Variants in GPHN observed in about 807,000 individuals in gnomAD.
GPHN encodes gephyrin.
GPHN carries 17 observed loss-of-function variants against 95.5 expected under a neutral mutation model. The ratio of observed to expected loss-of-function variants is 0.18; its 90% confidence interval spans 0.12 to 0.27. The LOEUF is 0.27. GPHN is among the 10% of genes least tolerant of loss of function. The pLI is 1.00. For synonymous variants in GPHN, 320 were observed against 322.5 expected, an observed-to-expected ratio of 0.99 and a Z score of 0.08; for missense variants, 660 against 978.1, an observed-to-expected ratio of 0.67 and a Z score of 4.34.
chr14:66,792,018 T>G (rs921623826), intron 3 of GPHN, among the ~76,000 whole-genome samples: 1 of 152,136 alleles, frequency 6.6e-6, no homozygotes, highest in Non-Finnish European at 1.5e-5. Flanking sequence ...TATAAAACCA[T>G]CATGTCTCAT....
intron 1 of GPHN, among the ~76,000 whole-genome samples, chr14:66,664,923 A>G (rs2065860432): frequency 1.3e-5 from 2 of 151,652 alleles, no homozygotes; most frequent in Admixed American, 6.6e-5. Flanking sequence ...ACCAGGAAGA[A>G]ATTGAATCCC....
In GPHN at chr14:67,144,247, AAAAATATATATATATATAT is replaced by A. The variant is rs1186647573; in HGVS notation, c.1836+800_1836+818del. Among the ~76,000 whole-genome samples, 4 of 68,528 alleles carry A rather than the reference AAAAATATATATATATATAT, an allele frequency of 5.8e-5. 1 individual carries two copies. The South Asian group carries it at 2.2e-3, about 38-fold the overall frequency. The allele number at this position is 68,528 out of a possible 152,430, so 45.0% of individuals were successfully genotyped here. On this transcript the variant is annotated intron_variant, in intron 18 of 22. Coordinates refer to ENST00000478722, the MANE Select transcript of GPHN (RefSeq NM_020806.5). ...GCAAGACCCTGTCTTAAAAAAAAAAAAAAATATATATATATATATATATATATATATATATATATACACA... is the reference window on the plus strand; with the variant it reads ...GCAAGACCCTGTCTTAAAAAAAAAAAATATATATATATATATATATACACA...
At chr14:67,446,859 T>A in the GPHN span, among the ~76,000 whole-genome samples, 21 of 152,302 alleles carry the variant, frequency 1.4e-4, no homozygotes, top group African/African-American at 4.6e-4. Flanking sequence ...CTGCTGCCTG[T>A]CTTTGTAAAA....
chr14:67,128,785 A>T (rs957668097), intron 17 of GPHN, among the ~76,000 whole-genome samples: 1 of 151,120 alleles, frequency 6.6e-6, no homozygotes, highest in South Asian at 2.1e-4. Flanking sequence ...AAATACAAAA[A>T]TTAGCCGGGC....
the GPHN span, among the ~76,000 whole-genome samples, chr14:67,636,855 C>G: frequency 6.6e-6 from 1 of 152,314 alleles, no homozygotes; most frequent in East Asian, 1.9e-4. Flanking sequence ...ATTTCAGGCT[C>G]CTCTTGTCCT....
At chr14:67,422,371 GT>G in the GPHN span, among the ~76,000 whole-genome samples, 1 of 152,128 alleles carries the variant, frequency 6.6e-6, no homozygotes, top group Non-Finnish European at 1.5e-5. Context: ...CTTCCCCCGT[GT>G]GGTATGCCAT....
the GPHN span, among the ~76,000 whole-genome samples, chr14:67,720,202 C>A: frequency 1.3e-5 from 2 of 152,108 alleles, no homozygotes; most frequent in Non-Finnish European, 2.9e-5. Context: ...CTTGTATTTC[C>A]TTTTTTGTAA....
chr14:67,021,719 A>C (rs1034456329), intron 9 of GPHN, among the ~76,000 whole-genome samples: 1 of 152,102 alleles, frequency 6.6e-6, no homozygotes, highest in African/African-American at 2.4e-5. Context: ...TGCTCTGTTC[A>C]TTGTAAATCT....
intron 18 of GPHN, among the ~76,000 whole-genome samples, chr14:67,158,093 G>A (rs942946161): frequency 6.6e-6 from 1 of 151,982 alleles, no homozygotes; most frequent in African/African-American, 2.4e-5. Flanking sequence ...GATCACCTGA[G>A]GTCAGGAGTT....
At chr14:66,938,400 G>A (rs117566455) in intron 8 of GPHN, among the ~76,000 whole-genome samples, 1,832 of 152,228 alleles carry the variant, frequency 0.012, 19 homozygotes, top group Non-Finnish European at 0.018. Context: ...AAAACAACCA[G>A]TGTCAATACT....
intron 1 of GPHN, among the ~76,000 whole-genome samples, chr14:66,621,255 A>C (rs1248056570): frequency 6.9e-6 from 1 of 144,520 alleles, no homozygotes; most frequent in African/African-American, 2.6e-5. Context: ...GATTACAGGC[A>C]TGAGCCACTG....
chr14:67,092,073 A>T (rs2077171888), intron 12 of GPHN, among the ~76,000 whole-genome samples: 1 of 151,460 alleles, frequency 6.6e-6, no homozygotes, highest in Non-Finnish European at 1.5e-5. Flanking sequence ...CATCATAATT[A>T]AAGAAGCAAA....
At chr14:67,247,025 A>T in the GPHN span, among the ~76,000 whole-genome samples, 1 of 152,264 alleles carries the variant, frequency 6.6e-6, no homozygotes, top group South Asian at 2.1e-4. Flanking sequence ...AATTGTTATG[A>T]CTATTTTTAG....
chr14:67,562,012 G>T, the GPHN span: 1 of 1,613,722 alleles, frequency 6.2e-7, no homozygotes, highest in South Asian at 1.1e-5. Flanking sequence ...GAGCAGGTGG[G>T]ATCCCTTCAA....
rs778433406 is a variant in GPHN at position 67,158,215 on chromosome 14, G to T, written c.1837-1200G>T. ...CCAGCTACTCGGGAGGCTGAGGCAGGAGAATTGCTTGAACCCAGGAGGAGG... is the reference window on the plus strand; with the variant it reads ...CCAGCTACTCGGGAGGCTGAGGCAGTAGAATTGCTTGAACCCAGGAGGAGG... On this transcript the variant is annotated intron_variant, in intron 18 of 22. Transcript: ENST00000478722. Among the ~76,000 whole-genome samples the T allele has an allele frequency of 4.9e-4, 74 of 149,530 alleles. 1 individual carries two copies. The Admixed American group carries it at 5.0e-3, about 10-fold the overall frequency.
chr14:67,653,575 T>G, the GPHN span: 2 of 1,327,980 alleles, frequency 1.5e-6, no homozygotes, highest in Non-Finnish European at 2.1e-6. Flanking sequence ...AGATTAACAG[T>G]AGGCATTAAG....
intron 1 of GPHN, among the ~76,000 whole-genome samples, chr14:66,587,536 T>C (rs569585362): frequency 2.2e-3 from 339 of 152,268 alleles, no homozygotes; most frequent in African/African-American, 7.7e-3. Context: ...CATGATCAAG[T>C]TGGATTTATT....
the GPHN span, among the ~76,000 whole-genome samples, chr14:67,479,070 T>C: frequency 1.3e-4 from 20 of 152,344 alleles, no homozygotes; most frequent in Admixed American, 1.1e-3. Context: ...TTTTTTTTCC[T>C]AACAAGCATG....
chr14:66,661,998 G>A (rs1198963827), intron 1 of GPHN, among the ~76,000 whole-genome samples: 4 of 152,216 alleles, frequency 2.6e-5, no homozygotes, highest in South Asian at 2.1e-4. Flanking sequence ...TGGATGTTCT[G>A]TGGCTAAGAG....
Sources: allele counts gnomAD v4.1 joint callset (sites outside exome capture counted in the v4.1 genomes callset), GRCh38; gene constraint gnomAD v4.1.1; transcripts MANE v1.5; gene names NCBI Gene and HGNC (gene_info 2026-07-23, HGNC 2026-07-21).